The following BRINP3 variants were observed in gnomAD, a reference collection of about 807,000 sequenced individuals.
BRINP3 encodes BMP/retinoic acid inducible neural specific 3.
A neutral mutation model predicts 71.0 loss-of-function variants in BRINP3; 19 were observed. That is an observed-to-expected ratio of 0.27 (90% CI 0.19 to 0.39). The LOEUF (loss-of-function observed/expected upper bound fraction) is 0.39. Among genes scored for constraint, BRINP3 ranks in the 10% least tolerant of loss-of-function variants. The pLI is 1.00. For missense variants in BRINP3, 959 were observed against 940.8 expected (o/e 1.02, Z -0.25); for synonymous variants, 380 against 337.7 (o/e 1.13, Z -1.37).
rs973650181 is a variant in BRINP3, at chr1:190,384,927, T to C, written c.236+69728A>G. 4.7e-4 allele frequency among the ~76,000 whole-genome samples: 71 copies of C among 151,870 alleles called. 1 individual carries two copies. The highest frequency in any genetic ancestry group is 5.2e-4 in the Non-Finnish European group (35 of 67,936). ...AGAAATAATGCCACATATCTACAAC[T>C]ATCTGATCTTTGACAAACCTGACAA... On this transcript the variant is annotated intron_variant, in intron 2 of 7. Coordinates refer to ENST00000367462, the MANE Select transcript of BRINP3 (RefSeq NM_199051.3).
intron 2 of BRINP3, among the ~76,000 whole-genome samples, chr1:190,390,744 G>A (rs1231220585): frequency 6.6e-6 from 1 of 151,754 alleles, no homozygotes; most frequent in Non-Finnish European, 1.5e-5. Context: ...TGTCATGGAA[G>A]CAGAGCATAT....
intron 2 of BRINP3, among the ~76,000 whole-genome samples, chr1:190,281,987 T>G (rs1054278654): frequency 6.6e-6 from 1 of 151,882 alleles, no homozygotes; most frequent in African/African-American, 2.4e-5. Flanking sequence ...CACTGAGATT[T>G]TTTTCCCCAA....
At chr1:190,257,186 T>C (rs1226125232) in intron 4 of BRINP3, among the ~76,000 whole-genome samples, 2 of 152,196 alleles carry the variant, frequency 1.3e-5, no homozygotes, top group African/African-American at 2.4e-5. Context: ...TGTCCGTTTC[T>C]TTTTACTCTT....
intron 6 of BRINP3, among the ~76,000 whole-genome samples, chr1:190,189,394 A>C (rs1350249217): frequency 2.6e-5 from 4 of 152,016 alleles, no homozygotes; most frequent in African/African-American, 9.7e-5. Context: ...AATGATTTGA[A>C]CATTTTCTCT....
chr1:190,265,432 T>C (rs1344424988), intron 3 of BRINP3, among the ~76,000 whole-genome samples: 1 of 151,814 alleles, frequency 6.6e-6, no homozygotes, highest in Non-Finnish European at 1.5e-5. Context: ...CCGGGCACGG[T>C]GGCTCACGCC....
chr1:190,407,525 T>C (rs1263471667), intron 2 of BRINP3, among the ~76,000 whole-genome samples: 1 of 152,174 alleles, frequency 6.6e-6, no homozygotes, highest in Non-Finnish European at 1.5e-5. Context: ...TAAGGCACTG[T>C]TGTTATCCTT....
intron 2 of BRINP3, among the ~76,000 whole-genome samples, chr1:190,331,751 C>A: frequency 6.6e-6 from 1 of 151,764 alleles, no homozygotes; most frequent in Admixed American, 6.6e-5. Context: ...AGTTCCAATG[C>A]ATAGGTAAGA....
intron 7 of BRINP3, among the ~76,000 whole-genome samples, chr1:190,154,298 G>T (rs1338223791): frequency 6.6e-6 from 1 of 152,068 alleles, no homozygotes; most frequent in Non-Finnish European, 1.5e-5. Context: ...AAGATGCAAA[G>T]GAAGAAGTGT....
chr1:190,472,941 A>G (rs1571408265), intron 1 of BRINP3, among the ~76,000 whole-genome samples: 1 of 151,938 alleles, frequency 6.6e-6, no homozygotes, highest in Non-Finnish European at 1.5e-5. Context: ...GTTTATGAAA[A>G]TGTACATTTC....
intron 7 of BRINP3, among the ~76,000 whole-genome samples, chr1:190,126,007 G>A (rs2102334616): frequency 6.6e-6 from 1 of 151,080 alleles, no homozygotes; most frequent in South Asian, 2.1e-4. Context: ...TAACATAAGT[G>A]TGAAAAATAC....
intron 6 of BRINP3, among the ~76,000 whole-genome samples, chr1:190,220,129 A>G (rs1656748509): frequency 6.6e-6 from 1 of 152,118 alleles, no homozygotes; most frequent in South Asian, 2.1e-4. Context: ...CAATCCCGAT[A>G]AGACTACCTC....
At chr1:190,462,260 A>G (rs2102666304) in intron 1 of BRINP3, among the ~76,000 whole-genome samples, 1 of 152,296 alleles carries the variant, frequency 6.6e-6, no homozygotes, top group Non-Finnish European at 1.5e-5. Context: ...CAAAAATAGA[A>G]AGTATTATTA....
At chr1:190,386,518 A>T (rs1670922768) in intron 2 of BRINP3, among the ~76,000 whole-genome samples, 1 of 151,964 alleles carries the variant, frequency 6.6e-6, no homozygotes, top group Non-Finnish European at 1.5e-5. Flanking sequence ...TATTTATAGT[A>T]ATTCTCTTTA....
chr1:190,337,653 T>C (rs1393153344), intron 2 of BRINP3, among the ~76,000 whole-genome samples: 1 of 152,090 alleles, frequency 6.6e-6, no homozygotes, highest in Non-Finnish European at 1.5e-5. Context: ...AGCCACAGAC[T>C]GAAAACTGAG....
At chr1:190,212,003 C>T (rs979761635) in intron 6 of BRINP3, among the ~76,000 whole-genome samples, 2 of 152,052 alleles carry the variant, frequency 1.3e-5, no homozygotes, top group East Asian at 3.9e-4. Flanking sequence ...GAGATAGCTA[C>T]AAATTACAGT....
At chr1:190,433,013 C>A (rs547427693) in intron 2 of BRINP3, among the ~76,000 whole-genome samples, 5 of 151,998 alleles carry the variant, frequency 3.3e-5, no homozygotes, top group African/African-American at 1.2e-4. Flanking sequence ...GAAATAGAGA[C>A]CAAAAAAATC....
intron 7 of BRINP3, among the ~76,000 whole-genome samples, chr1:190,107,951 T>A (rs79407161): frequency 6.6e-6 from 1 of 152,016 alleles, no homozygotes; most frequent in Non-Finnish European, 1.5e-5. Context: ...CAAATAACAA[T>A]ATGGCCTTCT....
intron 6 of BRINP3, among the ~76,000 whole-genome samples, chr1:190,194,688 G>A (rs1053071502): frequency 1.3e-5 from 2 of 151,998 alleles, no homozygotes; most frequent in Non-Finnish European, 2.9e-5. Flanking sequence ...AGCCACTTGA[G>A]CACCTGTTTT....
intron 7 of BRINP3, among the ~76,000 whole-genome samples, chr1:190,112,744 T>A (rs768736069): frequency 4.6e-5 from 7 of 152,268 alleles, no homozygotes; most frequent in Non-Finnish European, 1.0e-4. Flanking sequence ...CAGTAAATGA[T>A]CTGAAGCTCA....
Sources: gnomAD v4.1 joint callset for allele counts (sites outside exome capture counted in the v4.1 genomes callset) on GRCh38, gnomAD v4.1.1 for gene constraint, MANE v1.5 for transcripts, NCBI Gene and HGNC (gene_info 2026-07-23, HGNC 2026-07-21) for gene names.